The following MLANA variants were observed in gnomAD, a reference collection of about 807,000 sequenced individuals.
MLANA encodes melanoma antigen recognized by T-cells 1.
Under a neutral mutation model 15.7 loss-of-function variants are expected in MLANA, and 21 were observed. That is an observed-to-expected ratio of 1.33 (90% CI 0.95 to 1.92). MLANA has a LOEUF of 1.92. Among genes scored for constraint, MLANA ranks in the 40% most tolerant of loss-of-function variants. The probability of loss-of-function intolerance (pLI) is 0.00; values close to 1 mark genes in which losing one functional copy is unlikely to be tolerated. For missense variants in MLANA, 164 were observed against 143.8 expected (o/e 1.14, Z -0.72); for synonymous variants, 56 against 51.5 (o/e 1.09, Z -0.37).
intron 3 of MLANA, among the ~76,000 whole-genome samples, chr9:5,906,476 C>T (rs1239045057): frequency 6.6e-6 from 1 of 152,200 alleles, no homozygotes; most frequent in African/African-American, 2.4e-5. Flanking sequence ...CAAAAGTTTC[C>T]TGCAAGGCAG....
At chr9:5,906,289 C>T (rs1333128941) in intron 3 of MLANA, among the ~76,000 whole-genome samples, 1 of 147,866 alleles carries the variant, frequency 6.8e-6, no homozygotes, top group Non-Finnish European at 1.5e-5. Flanking sequence ...GAGATCGTGC[C>T]ATTATACTCC....
rs927674639 is a variant in MLANA, at chr9:5,894,136, T to A, written c.77+1585T>A. On this transcript the variant is annotated intron_variant, in intron 2 of 4. Transcript: ENST00000381477. This position sits in a 1 kb window ranked among gnomAD's most constrained non-coding sequence, Gnocchi z 4.0. ...CGAGAGGCTAGGGCAGAGGTCAGTA[T>A]CTCTCAGTGTGAAGCTGGAGGCTGA... Among the ~76,000 whole-genome samples, 2 of 152,004 alleles carry A rather than the reference T, an allele frequency of 1.3e-5. No individual in the cohort carries two copies. Among genetic ancestry groups the A allele is most frequent in the Non-Finnish European group, 2.9e-5 (2 of 68,004 alleles).
At chr9:5,902,132 T>G (rs964820076) in intron 3 of MLANA, among the ~76,000 whole-genome samples, 9 of 152,236 alleles carry the variant, frequency 5.9e-5, no homozygotes, top group Non-Finnish European at 1.3e-4. Context: ...TGAACTCATC[T>G]GGGTCTGGTG....
intron 2 of MLANA, among the ~76,000 whole-genome samples, chr9:5,895,573 G>C (rs1831959595): frequency 6.6e-6 from 1 of 152,080 alleles, no homozygotes; most frequent in Non-Finnish European, 1.5e-5. Flanking sequence ...ACCTGCTTTG[G>C]GTATTATGTA....
intron 2 of MLANA, among the ~76,000 whole-genome samples, chr9:5,896,291 A>G (rs1267977891): frequency 1.3e-5 from 2 of 152,344 alleles, no homozygotes; most frequent in East Asian, 3.9e-4. Context: ...CCTGGCACAA[A>G]TTGGTGCTCA....
intron 3 of MLANA, among the ~76,000 whole-genome samples, chr9:5,901,227 T>C (rs1327670490): frequency 6.6e-6 from 1 of 152,176 alleles, no homozygotes; most frequent in Non-Finnish European, 1.5e-5. Flanking sequence ...TCCAGTTTAT[T>C]GCATTAGTTA....
At chr9:5,907,688 C>A (rs749944242) in intron 4 of MLANA, among the ~76,000 whole-genome samples, 4 of 152,208 alleles carry the variant, frequency 2.6e-5, no homozygotes, top group African/African-American at 9.7e-5. Flanking sequence ...CATGGTGGCT[C>A]ACACCTGTAA....
intron 3 of MLANA, among the ~76,000 whole-genome samples, chr9:5,904,791 T>G (rs1832690018): frequency 6.9e-6 from 1 of 145,322 alleles, no homozygotes; most frequent in Admixed American, 6.8e-5. Context: ...TTTTTTTTTT[T>G]GAGACGGAGT....
chr9:5,907,234 A>T (rs777133246), intron 4 of MLANA: 7 of 281,884 alleles, frequency 2.5e-5, no homozygotes, highest in South Asian at 2.4e-4. Context: ...GTTGTCACAT[A>T]CCCAGTGTTT....
At chr9:5,907,869 C>A (rs904469907) in intron 4 of MLANA, among the ~76,000 whole-genome samples, 4 of 152,232 alleles carry the variant, frequency 2.6e-5, no homozygotes, top group African/African-American at 9.6e-5. Flanking sequence ...AGGAGAATCA[C>A]TTGAACCCGG....
intron 3 of MLANA, among the ~76,000 whole-genome samples, chr9:5,904,814 C>A (rs552732952): frequency 6.6e-6 from 1 of 150,570 alleles, no homozygotes; most frequent in Non-Finnish European, 1.5e-5. Context: ...CACTCCGTTG[C>A]CCAGGCTGGA....
chr9:5,910,004 A>T lies in MLANA; in HGVS notation c.*1296A>T, dbSNP rs1350020606. 14 of 152,224 alleles carry T rather than the reference A, an allele frequency of 9.2e-5. No homozygotes were observed. The highest frequency in any genetic ancestry group is 1.3e-4 in the Non-Finnish European group (9 of 68,036). The allele number at this position is 152,224 out of a possible 1,614,324, so 9.4% of individuals were successfully genotyped here. On this transcript the variant is annotated 3_prime_UTR_variant, in exon 5 of 5. Coordinates refer to ENST00000381477, the MANE Select transcript of MLANA (RefSeq NM_005511.2). ...CCAGTATCATTTTCCATAGTAGAGG[A>T]TAACTATAACAACGAAGATAATGAA...
At chr9:5,892,922 C>A (rs73639543) in intron 2 of MLANA, among the ~76,000 whole-genome samples, 1,549 of 152,172 alleles carry the variant, frequency 0.01, 18 homozygotes, top group African/African-American at 0.035. Flanking sequence ...GGTTTGCAGA[C>A]AGAATAAAAG....
At position 5,908,978 on chromosome 9, in the gene MLANA, G is replaced by A. The variant is rs1346944035; in HGVS notation, c.*270G>A. 5.0e-6 allele frequency: 2 copies of A among 400,658 alleles called. No homozygotes were observed. Among genetic ancestry groups the A allele is most frequent in the Non-Finnish European group, 9.0e-6 (2 of 223,354 alleles). 24.8% of individuals were successfully genotyped at this position (400,658 alleles called of 1,614,324 possible). On this transcript the variant is annotated 3_prime_UTR_variant, in exon 5 of 5. Transcript: ENST00000381477. ...CCAGAGGTAATGTTAGTAAATCCAT[G>A]GTGTTATTTTCTGAGAGACAGAATT... is the stretch of plus-strand genomic sequence containing the variant.
intron 2 of MLANA, among the ~76,000 whole-genome samples, 165 bp downstream of exon 2, chr9:5,892,716 G>A (rs1355100784): frequency 6.6e-6 from 1 of 152,166 alleles, no homozygotes; most frequent in African/African-American, 2.4e-5. Context: ...TTCTATAAGG[G>A]GCTCAGTCAA....
chr9:5,908,682 C>G lies in MLANA; in HGVS notation c.331C>G (p.Gln111Glu). ...TGCTTATGAGAAACTCTCTGCAGAA[C>G]AGTCACCACCACCTTATTCACCTTA... is the stretch of plus-strand genomic sequence containing the variant. ...PPAYEKLSAEQSPPPYSP is the reference protein window; with the variant it reads ...PPAYEKLSAEESPPPYSP Residue 111 changes from glutamine (Q) to glutamate (E), a missense_variant, in exon 5 of 5, where the codon CAG becomes GAG. Physicochemically the swap from Gln to Glu is conservative, Grantham distance 29. Transcript: ENST00000381477. 1 of 1,614,120 alleles carries G rather than the reference C, an allele frequency of 6.2e-7. No individual in the cohort carries two copies. Among genetic ancestry groups the G allele is most frequent in the Non-Finnish European group, 8.5e-7 (1 of 1,179,972 alleles).
rs1317931682 is a variant in MLANA, at chr9:5,909,221, A to T, written c.*513A>T. The T allele has an allele frequency of 6.5e-6, 1 of 153,182 alleles. No individual in the cohort carries two copies. Among genetic ancestry groups the T allele is most frequent in the Non-Finnish European group, 1.5e-5 (1 of 68,822 alleles). The allele number at this position is 153,182 out of a possible 1,614,324, so 9.5% of individuals were successfully genotyped here. ...GTCAGCAATGTCTCTTTGTGCTCTA[A>T]AATTCTATTATACTACAATAATATA... is the stretch of plus-strand genomic sequence containing the variant. On this transcript the variant is annotated 3_prime_UTR_variant, in exon 5 of 5. Transcript: ENST00000381477.
At chr9:5,901,710 T>C (rs960965183) in intron 3 of MLANA, among the ~76,000 whole-genome samples, 10 of 150,784 alleles carry the variant, frequency 6.6e-5, no homozygotes, top group African/African-American at 2.2e-4. Flanking sequence ...TCGGTAGAGA[T>C]GGGGTTTCAC....
chr9:5,898,811 C>G (rs1332410269), intron 3 of MLANA: 1 of 152,170 alleles, frequency 6.6e-6, no homozygotes, highest in African/African-American at 2.4e-5. Flanking sequence ...ACTAAGCATC[C>G]CAGGATATCA....
Sources: gnomAD v4.1 joint callset for allele counts (sites outside exome capture counted in the v4.1 genomes callset) on GRCh38, gnomAD v4.1.1 for gene constraint, Gnocchi (gnomAD v3.1) non-coding constraint, MANE v1.5 for transcripts, NCBI Gene and HGNC (gene_info 2026-07-23, HGNC 2026-07-21) for gene names.